KMT2D: variants seen among roughly 807,000 people sequenced by gnomAD.
KMT2D encodes lysine methyltransferase 2D.
KMT2D carries 55 observed loss-of-function variants against 512.7 expected under a neutral mutation model. That is an observed-to-expected ratio of 0.11 (90% CI 0.09 to 0.13). The LOEUF is 0.13. KMT2D is among the 10% of genes least tolerant of loss of function. The pLI is 1.00. For missense variants in KMT2D, 6,061 were observed against 7,127.9 expected, an observed-to-expected ratio of 0.85 and a Z score of 5.39; for synonymous variants, 2,995 against 2,904.0, an observed-to-expected ratio of 1.03 and a Z score of -1.01.
chr12:49,031,848 G>A lies in KMT2D; in HGVS notation c.12857C>T (p.Pro4286Leu), dbSNP rs1365424828. 4 of 1,546,964 alleles carry A rather than the reference G, an allele frequency of 2.6e-6. No individual in the cohort carries two copies. The highest frequency in any genetic ancestry group is 1.4e-5 in the African/African-American group (1 of 72,866). Residue 4286 changes from proline (P) to leucine (L), a missense_variant, in exon 40 of 55, where the codon CCA (proline) becomes CTA (leucine). Pro to Leu is a moderately conservative substitution (Grantham distance 98). Transcript: ENST00000301067. Reference protein sequence around the residue: ...ELGAGPRPQGPPRLPAPPGAL... With the variant: ...ELGAGPRPQGLPRLPAPPGAL... The stretch of plus-strand genomic sequence containing the variant: ...TCCTGGTGGGGCAGGGAGCCGGGGT[G>A]GGCCCTGAGGTCGAGGCCCTGCCCC...
At position 49,037,326 on chromosome 12, in the gene KMT2D, C is replaced by T. The variant is rs745547732; in HGVS notation, c.10030G>A (p.Ala3344Thr). The stretch of plus-strand genomic sequence containing the variant: ...TTGGACACCATAGCCATGGATGGAG[C>T]CAGGCGTTGCTGGAGGGCATGAGCT... Reference protein sequence around the residue: ...PPAHALQQRLAPSMAMVSNQG... With the variant: ...PPAHALQQRLTPSMAMVSNQG... The change falls in exon 35 of 55, where the codon GCT becomes ACT. Residue 3344 changes from alanine (A) to threonine (T), a missense_variant. By Grantham distance (58) the Ala-to-Thr change is moderately conservative. Transcript: ENST00000301067. 1.9e-6 allele frequency: 3 copies of T among 1,612,284 alleles called. No individual in the cohort carries two copies. The highest frequency in any genetic ancestry group is 2.2e-5 in the South Asian group (2 of 90,700).
At position 49,021,548 on chromosome 12, in the gene KMT2D, G is replaced by C; in HGVS notation, c.*232C>G. 5.5e-6 allele frequency: 3 copies of C among 549,438 alleles called. No homozygotes were observed. The South Asian group carries it at 7.7e-5, about 14-fold the overall frequency. The allele number at this position is 549,438 out of a possible 1,614,324, so 34.0% of individuals were successfully genotyped here. A position where few individuals can be genotyped will look rare whatever the true frequency, so the allele number is the denominator to read the frequency against. On this transcript the variant is annotated 3_prime_UTR_variant, in exon 55 of 55. Coordinates refer to ENST00000301067, the MANE Select transcript of KMT2D (RefSeq NM_003482.4). ...TCTGTCTGGCCCCTCCTGGAGCTGG[G>C]GGCAGAGATGCCAGCCTGAGGGCCG...
chr12:49,034,362 A>G, intron 38 of KMT2D, 48 bp downstream of exon 38: 1 of 1,611,570 alleles, frequency 6.2e-7, no homozygotes, highest in Non-Finnish European at 8.5e-7. Context: ...CTTCCTCCAT[A>G]TGACCCAAAC....
In KMT2D at chr12:49,028,819, A is replaced by AG. The variant is rs778251110; in HGVS notation, c.14382+8dup. 8 of 1,613,496 alleles carry AG rather than the reference A, an allele frequency of 5.0e-6. No individual in the cohort carries two copies. The South Asian group carries it at 5.5e-5, about 11-fold the overall frequency. ...TTCCCCTCAGCCTCGAGGTACCCCT[A>AG]GGACACACCTTGGCTGCAGCAGCAG... On this transcript the variant is annotated intron_variant, in intron 46 of 54. Transcript: ENST00000301067.
rs940793225 is a variant in KMT2D at position 49,028,756 on chromosome 12, T to C, written c.14382+72A>G. On this transcript the variant is annotated intron_variant, in intron 46 of 54. Coordinates refer to ENST00000301067, the MANE Select transcript of KMT2D (RefSeq NM_003482.4). The stretch of plus-strand genomic sequence containing the variant: ...TGTGCTTGAACGACTACATTTTTCC[T>C]TATCCAGACAAATTCCAGGGACTGC... 60 of 1,584,868 alleles carry C rather than the reference T, an allele frequency of 3.8e-5. No homozygotes were observed. The African/African-American group carries it at 7.8e-4, about 21-fold the overall frequency.
intron 1 of KMT2D, among the ~76,000 whole-genome samples, chr12:49,057,673 G>A (rs1018645226): frequency 6.6e-6 from 1 of 152,170 alleles, no homozygotes; most frequent in Non-Finnish European, 1.5e-5. Flanking sequence ...CCAGCACAGG[G>A]ATCCCAATGC....
Position 49,038,707 on chromosome 12 carries a change from A to G in KMT2D, c.8649T>C (p.Asn2883=), listed in dbSNP as rs1592131737. The G allele has an allele frequency of 2.5e-6, 4 of 1,610,926 alleles. No individual in the cohort carries two copies. The East Asian group carries it at 8.9e-5, about 36-fold the overall frequency. Residue 2883 remains asparagine, a synonymous_variant, in exon 35 of 55, where the codon AAT becomes AAC. Coordinates refer to ENST00000301067, the MANE Select transcript of KMT2D (RefSeq NM_003482.4). This position sits in a 1 kb window ranked among gnomAD's most constrained non-coding sequence, Gnocchi z 5.7. ...CCCCAGGTCCCAGTCCTTTCTGTAC[A>G]TTGTGCCGCAGCTCAATGAACTGGG... ...GPAQFIELRH[N]VQKGLGPGGT...
rs2120362276 is a variant in KMT2D, at chr12:49,026,739, G to T, written c.15227C>A (p.Ala5076Glu). 1 of 1,613,832 alleles carries T rather than the reference G, an allele frequency of 6.2e-7. No individual in the cohort carries two copies. Among genetic ancestry groups the T allele is most frequent in the Non-Finnish European group, 8.5e-7 (1 of 1,179,762 alleles). ...CAGGGCAACCTCCACATTCATCAGT[G>T]CCCCGCCCTGGGTCTCATACACCTC... is the stretch of plus-strand genomic sequence containing the variant. Reference protein sequence around the residue: ...STEVYETQGGALMNVEVALHR... With the variant: ...STEVYETQGGELMNVEVALHR... The change falls in exon 49 of 55, where the codon GCA (alanine) becomes GAA (glutamate). Residue 5076 changes from alanine (A) to glutamate (E), a missense_variant. Physicochemically the swap from Ala to Glu is moderately radical, Grantham distance 107 (BLOSUM62 -1). This residue lies in a region of KMT2D where 14 missense variants were observed against 53.4 expected (regional missense o/e 0.26). Coordinates refer to ENST00000301067, the MANE Select transcript of KMT2D (RefSeq NM_003482.4). This position sits in a 1 kb window ranked among gnomAD's most constrained non-coding sequence, Gnocchi z 9.6.
At position 49,042,704 on chromosome 12, in the gene KMT2D, G is replaced by A. The variant is rs1461390049; in HGVS notation, c.5782+37C>T. 1.2e-6 allele frequency: 2 copies of A among 1,609,134 alleles called. No homozygotes were observed. Among genetic ancestry groups the A allele is most frequent in the Non-Finnish European group, 1.7e-6 (2 of 1,176,488 alleles). On this transcript the variant is annotated intron_variant, in intron 27 of 54. Coordinates refer to ENST00000301067, the MANE Select transcript of KMT2D (RefSeq NM_003482.4). The surrounding 1 kb of genome is among the most constrained non-coding windows in gnomAD (Gnocchi z 4.4). ...CTGGCCCATCCTGGAGGCAAGCTTGGTTATGTCAGTCTTCAGACCACTCCC... is the reference window on the plus strand; with the variant it reads ...CTGGCCCATCCTGGAGGCAAGCTTGATTATGTCAGTCTTCAGACCACTCCC...
Position 49,026,969 on chromosome 12 carries a change from G to A in KMT2D, c.14997C>T (p.Gly4999=), listed in dbSNP as rs1327322319. 9 of 1,613,882 alleles carry A rather than the reference G, an allele frequency of 5.6e-6. No homozygotes were observed. The highest frequency in any genetic ancestry group is 7.6e-6 in the Non-Finnish European group (9 of 1,179,908). ...RLRLLLTIQK[G]SGRQEDEREV... is the part of the protein sequence containing the mutation. Reference sequence around the variant, plus strand: ...CCCGCTCATCCTCCTGCCGCCCACTGCCCTTCTGGATGGTCAGCAGCAGCC... The same window carrying A: ...CCCGCTCATCCTCCTGCCGCCCACTACCCTTCTGGATGGTCAGCAGCAGCC... Residue 4999 remains glycine (G), a synonymous_variant, in exon 49 of 55, where the codon GGC becomes GGT. Coordinates refer to ENST00000301067, the MANE Select transcript of KMT2D (RefSeq NM_003482.4). The surrounding 1 kb of genome is among the most constrained non-coding windows in gnomAD (Gnocchi z 9.6).
In KMT2D at chr12:49,040,874, T is replaced by G. The variant is rs750357369; in HGVS notation, c.6896A>C (p.Tyr2299Ser). The change falls in exon 32 of 55, where the codon TAT (tyrosine) becomes TCT (serine). Residue 2299 changes from tyrosine to serine, a missense_variant. Around this residue, in one of 16 missense-constraint regions of KMT2D, gnomAD observed 710 missense variants for 647.3 expected, o/e 1.10. Coordinates refer to ENST00000301067, the MANE Select transcript of KMT2D (RefSeq NM_003482.4). ...AACAAAGCCCAGGTTTGGGGGCCCATAGCTAGGAGAGGATGCCCCAAGCTC... is the reference window on the plus strand; with the variant it reads ...AACAAAGCCCAGGTTTGGGGGCCCAGAGCTAGGAGAGGATGCCCCAAGCTC... ...KEELGASSPS[Y>S]GPPNLGFVDS... 6.2e-7 allele frequency: 1 copy of G among 1,613,752 alleles called. No individual in the cohort carries two copies. The highest frequency in any genetic ancestry group is 1.7e-5 in the Admixed American group (1 of 60,016).
At position 49,032,095 on chromosome 12, in the gene KMT2D, C is replaced by T. The variant is rs202126693; in HGVS notation, c.12610G>A (p.Val4204Ile). The T allele has an allele frequency of 2.2e-5, 35 of 1,613,782 alleles. No homozygotes were observed. The highest frequency in any genetic ancestry group is 3.3e-4 in the Middle Eastern group (2 of 6,060). ...CGCAGCTGTGGGTTTTTGGCCAGGA[C>T]TCCTTGGAGCTGTGCTCGAAGCTGA... ...VGQLRAQLQGVLAKNPQLRHL... is the reference protein window; with the variant it reads ...VGQLRAQLQGILAKNPQLRHL... The change falls in exon 40 of 55, where the codon GTC (valine) becomes ATC (isoleucine). Residue 4204 changes from valine to isoleucine, a missense_variant. By Grantham distance (29) the Val-to-Ile change is conservative (BLOSUM62 3). Coordinates refer to ENST00000301067, the MANE Select transcript of KMT2D (RefSeq NM_003482.4).
chr12:49,052,516 C>T, intron 10 of KMT2D, 48 bp downstream of exon 10: 1 of 1,599,498 alleles, frequency 6.3e-7, no homozygotes, highest in Non-Finnish European at 8.5e-7. Context: ...TGTCTCTTGC[C>T]ATAGAATAAA....
At chr12:49,034,748 G>A (rs1943133791) in intron 36 of KMT2D, 64 bp downstream of exon 36, 8 of 1,606,798 alleles carry the variant, frequency 5.0e-6, no homozygotes, top group Non-Finnish European at 4.3e-6. Flanking sequence ...AGTAGGGAGG[G>A]GAGCCAAGAA....
chr12:49,045,072 TC>T, intron 19 of KMT2D, 107 bp from the exon 20 acceptor site: 1 of 1,109,668 alleles, frequency 9.0e-7, no homozygotes, highest in Non-Finnish European at 1.3e-6. Context: ...GTGACAAAAG[TC>T]CAGCTTAGGG....
chr12:49,055,104 T>C (rs183739889), intron 2 of KMT2D, 78 bp from the exon 3 acceptor site: 341 of 1,592,094 alleles, frequency 2.1e-4, no homozygotes, highest in Non-Finnish European at 2.9e-4. Context: ...CGCATGAGAT[T>C]ATCCAAAACC....
Position 49,049,766 on chromosome 12 carries a change from A to C in KMT2D, c.3822T>G (p.Asp1274Glu), listed in dbSNP as rs369441615. The change falls in exon 12 of 55, where the codon GAT becomes GAG. Residue 1274 changes from aspartate (D) to glutamate (E), a missense_variant. Coordinates refer to ENST00000301067, the MANE Select transcript of KMT2D (RefSeq NM_003482.4). ...TGCCTCCGCTGATAGCTGTCCCAGC[A>C]TCGCACAATAGTGAGTCATCAGTCT... ...LPETDDSLLC[D>E]AGTAISGGKA... 1.8e-5 allele frequency: 29 copies of C among 1,612,432 alleles called. No homozygotes were observed. The highest frequency in any genetic ancestry group is 2.4e-5 in the Non-Finnish European group (28 of 1,178,610).
In KMT2D at chr12:49,026,074, A is replaced by G; in HGVS notation, c.15784+108T>C. The G allele has an allele frequency of 9.1e-7, 1 of 1,093,704 alleles. No individual in the cohort carries two copies. The highest frequency in any genetic ancestry group is 1.8e-5 in the South Asian group (1 of 56,520). The allele number at this position is 1,093,704 out of a possible 1,614,324, so 67.7% of individuals were successfully genotyped here. On this transcript the variant is annotated intron_variant, in intron 49 of 54. Coordinates refer to ENST00000301067, the MANE Select transcript of KMT2D (RefSeq NM_003482.4). This position sits in a 1 kb window ranked among gnomAD's most constrained non-coding sequence, Gnocchi z 9.6. ...CCTGCCTGCCTGAGGTGGGGGAAGG[A>G]GGATCATTCACATAGAAGCTACAGG...
chr12:49,028,090 G>T lies in KMT2D; in HGVS notation c.14434C>A (p.Pro4812Thr). ...AVAELLSMKI[P>T]NSYEVLFPES... ...GGGAACAGCACCTCATAGGAGTTGGGGATCTTCATGCTCAGCAGCTCCGCC... is the reference window on the plus strand; with the variant it reads ...GGGAACAGCACCTCATAGGAGTTGGTGATCTTCATGCTCAGCAGCTCCGCC... Residue 4812 changes from proline to threonine, a missense_variant, in exon 47 of 55, where the codon CCC (proline) becomes ACC (threonine). Physicochemically the swap from Pro to Thr is conservative, Grantham distance 38 (BLOSUM62 -1). Around this residue, in one of 16 missense-constraint regions of KMT2D, gnomAD observed 1,600 missense variants for 1,754.9 expected, o/e 0.91. Transcript: ENST00000301067. The T allele has an allele frequency of 6.2e-7, 1 of 1,613,828 alleles. No individual in the cohort carries two copies. The highest frequency in any genetic ancestry group is 8.5e-7 in the Non-Finnish European group (1 of 1,179,832).
Sources: allele counts gnomAD v4.1 joint callset (sites outside exome capture counted in the v4.1 genomes callset), GRCh38; gene constraint gnomAD v4.1.1; regional missense constraint gnomAD v4.1.1; non-coding constraint Gnocchi (gnomAD v3.1); transcripts MANE v1.5; gene names NCBI Gene and HGNC (gene_info 2026-07-23, HGNC 2026-07-21).